CAPN8: variants seen among roughly 807,000 people sequenced by gnomAD.
The protein encoded by CAPN8 is calpain-8.
In CAPN8, 87 loss-of-function variants were observed where a neutral mutation model predicts 80.9. The ratio of observed to expected loss-of-function variants is 1.07; its 90% CI spans 0.90 to 1.28. The LOEUF is 1.28. CAPN8 is among the 50% of genes most tolerant of loss of function. CAPN8 has a pLI of 0.00. For missense variants in CAPN8, 757 were observed against 702.0 expected (o/e 1.08, Z -0.89); for synonymous variants, 299 against 273.8 (o/e 1.09, Z -0.91).
At chr1:223,556,340 T>C (rs1273426504) in intron 13 of CAPN8, among the ~76,000 whole-genome samples, 1 of 152,092 alleles carries the variant, frequency 6.6e-6, no homozygotes, top group Non-Finnish European at 1.5e-5. Context: ...AGCACAGTGG[T>C]GCCCTAAAGA....
At chr1:223,551,341 C>A (rs1441689752) in intron 14 of CAPN8, among the ~76,000 whole-genome samples, 1 of 152,178 alleles carries the variant, frequency 6.6e-6, no homozygotes, top group Non-Finnish European at 1.5e-5. Context: ...CGGGGTTTCA[C>A]CATGTTGGCC....
intron 4 of CAPN8, 119 bp from the exon 5 acceptor site, chr1:223,627,276 C>T: frequency 8.8e-7 from 1 of 1,131,734 alleles, no homozygotes; most frequent in Admixed American, 2.5e-5. Context: ...AGGCTCTTTG[C>T]CTATTTTGCC....
intron 1 of CAPN8, among the ~76,000 whole-genome samples, chr1:223,658,198 T>C (rs776400994): frequency 6.6e-6 from 1 of 152,220 alleles, no homozygotes; most frequent in Non-Finnish European, 1.5e-5. Flanking sequence ...AATAACTCCC[T>C]GAGCTGTATC....
At chr1:223,612,637 G>T (rs1432961847) in intron 10 of CAPN8, among the ~76,000 whole-genome samples, 2 of 152,222 alleles carry the variant, frequency 1.3e-5, no homozygotes, top group East Asian at 3.9e-4. Flanking sequence ...TGACCAGAGT[G>T]GGGGAATCTC....
chr1:223,545,374 G>T, intron 16 of CAPN8, 75 bp from the exon 17 acceptor site: 1 of 1,547,286 alleles, frequency 6.5e-7, no homozygotes, highest in Non-Finnish European at 8.7e-7. Flanking sequence ...TTGTGAGCTT[G>T]CATGAGTGCC....
chr1:223,653,829 TATG>T (rs1420260037), intron 2 of CAPN8, among the ~76,000 whole-genome samples: 1 of 152,182 alleles, frequency 6.6e-6, no homozygotes, highest in Non-Finnish European at 1.5e-5. Context: ...TTAAAAGGAA[TATG>T]ATAAGTTCAG....
chr1:223,628,859 A>G, intron 2 of CAPN8, 79 bp from the exon 3 acceptor site: 1 of 1,167,148 alleles, frequency 8.6e-7, no homozygotes, highest in Non-Finnish European at 1.2e-6. Flanking sequence ...TGTCCCATTC[A>G]ACCCAGAGTC....
At chr1:223,609,696 T>C (rs2102696413) in intron 11 of CAPN8, among the ~76,000 whole-genome samples, 1 of 152,298 alleles carries the variant, frequency 6.6e-6, no homozygotes, top group East Asian at 1.9e-4. Flanking sequence ...TCCAATAGGC[T>C]CTTTCATTCT....
chr1:223,630,274 G>C (rs1017119800), intron 2 of CAPN8, among the ~76,000 whole-genome samples: 1 of 147,702 alleles, frequency 6.8e-6, no homozygotes, highest in African/African-American at 2.5e-5. Context: ...TTGTCTGTCT[G>C]TCTCTCTCTC....
chr1:223,549,211 C>T (rs1375878532), intron 16 of CAPN8, 107 bp downstream of exon 16: 8 of 1,420,360 alleles, frequency 5.6e-6, no homozygotes, highest in Non-Finnish European at 7.6e-6. Context: ...GCTCTCTCCC[C>T]TTCTCATTTT....
intron 1 of CAPN8, among the ~76,000 whole-genome samples, chr1:223,657,158 G>A (rs1053920533): frequency 2.6e-5 from 4 of 151,796 alleles, no homozygotes; most frequent in Non-Finnish European, 5.9e-5. Context: ...TTATTCATTC[G>A]CTTTCAGTCT....
At chr1:223,647,822 C>A (rs1658232318) in intron 2 of CAPN8, among the ~76,000 whole-genome samples, 1 of 152,118 alleles carries the variant, frequency 6.6e-6, no homozygotes, top group African/African-American at 2.4e-5. Flanking sequence ...CTATTAATGT[C>A]ATGAACAAAA....
chr1:223,650,268 G>A (rs1442975627), intron 2 of CAPN8, among the ~76,000 whole-genome samples: 1 of 152,118 alleles, frequency 6.6e-6, no homozygotes, highest in Non-Finnish European at 1.5e-5. Context: ...TACATGTTGG[G>A]GTGTACCTGC....
chr1:223,615,060 A>G (rs1657131194), intron 10 of CAPN8, among the ~76,000 whole-genome samples: 1 of 152,248 alleles, frequency 6.6e-6, no homozygotes, highest in African/African-American at 2.4e-5. Context: ...CCAGAATATG[A>G]GAAATAAAGT....
At chr1:223,634,850 G>A (rs1469274398) in intron 2 of CAPN8, among the ~76,000 whole-genome samples, 2 of 152,204 alleles carry the variant, frequency 1.3e-5, no homozygotes, top group Non-Finnish European at 2.9e-5. Context: ...TGAATGGCGG[G>A]AGCGGGGACA....
At chr1:223,554,199 A>G (rs1438785063) in intron 13 of CAPN8, among the ~76,000 whole-genome samples, 3 of 152,202 alleles carry the variant, frequency 2.0e-5, no homozygotes, top group African/African-American at 7.2e-5. Context: ...CAACCTGAAC[A>G]ACTTTCAGAA....
intron 2 of CAPN8, among the ~76,000 whole-genome samples, chr1:223,637,823 T>C (rs1025298246): frequency 2.6e-5 from 4 of 152,170 alleles, no homozygotes; most frequent in African/African-American, 9.7e-5. Context: ...TCAGAAATCC[T>C]GTGTTCAAAG....
intron 6 of CAPN8, among the ~76,000 whole-genome samples, chr1:223,625,462 A>T (rs189556773): frequency 1.9e-4 from 29 of 152,194 alleles, no homozygotes; most frequent in African/African-American, 5.8e-4. Context: ...TAGAAAAAAA[A>T]TTTTTAATTT....
chr1:223,657,692 G>A (rs976049440), intron 1 of CAPN8, among the ~76,000 whole-genome samples: 5 of 152,290 alleles, frequency 3.3e-5, no homozygotes, highest in East Asian at 1.9e-4. Flanking sequence ...ACTTGAACCC[G>A]GGAGCAGAGG....
Sources: allele counts gnomAD v4.1 joint callset (sites outside exome capture counted in the v4.1 genomes callset), GRCh38; gene constraint gnomAD v4.1.1; transcripts MANE v1.5; gene names NCBI Gene and HGNC (gene_info 2026-07-23, HGNC 2026-07-21).